Variants in VPS54 observed in about 807,000 individuals in gnomAD.
The protein encoded by VPS54 is vacuolar protein sorting-associated protein 54.
VPS54 carries 45 observed loss-of-function variants against 121.5 expected under a neutral mutation model. The observed-to-expected ratio is 0.37, with a 90% CI of 0.29 to 0.47. The LOEUF is 0.47. Among genes scored for constraint, VPS54 ranks in the 20% least tolerant of loss-of-function variants. The pLI is 0.99. For missense variants in VPS54, 1,090 were observed against 1,131.4 expected, an observed-to-expected ratio of 0.96 and a Z score of 0.52; for synonymous variants, 371 against 385.8, an observed-to-expected ratio of 0.96 and a Z score of 0.45.
intron 11 of VPS54, among the ~76,000 whole-genome samples, chr2:63,936,824 G>A (rs1365923364): frequency 6.6e-6 from 1 of 152,116 alleles, no homozygotes; most frequent in Non-Finnish European, 1.5e-5. Flanking sequence ...ATAGAATAGA[G>A]AGAGCCCACA....
At position 63,983,374 on chromosome 2, in the gene VPS54, T is replaced by C. The variant is rs182654314; in HGVS notation, c.136+490A>G. 8.3e-3 allele frequency among the ~76,000 whole-genome samples: 1,257 copies of C among 151,810 alleles called. 7 individuals carry two copies. The highest frequency in any genetic ancestry group is 0.01 in the Non-Finnish European group (685 of 67,962). On this transcript the variant is annotated intron_variant, in intron 2 of 22. Coordinates refer to ENST00000272322, the MANE Select transcript of VPS54 (RefSeq NM_016516.3). ...TGTTGAACTCCCTCCTGACCTCAAG[T>C]GATCTGCCTGCCTTGGCCTCCCAAA...
At chr2:63,939,978 G>T (rs1202506323) in intron 11 of VPS54, among the ~76,000 whole-genome samples, 1 of 152,018 alleles carries the variant, frequency 6.6e-6, no homozygotes, top group African/African-American at 2.4e-5. Context: ...GGATGGTCTC[G>T]ATCTCTTGAC....
intron 5 of VPS54, among the ~76,000 whole-genome samples, chr2:63,968,034 C>G (rs979987549): frequency 2.0e-5 from 3 of 152,086 alleles, no homozygotes; most frequent in Non-Finnish European, 2.9e-5. Flanking sequence ...AACATTGAGC[C>G]TTAAATGACA....
In VPS54 at chr2:63,991,466, C is replaced by T. The variant is rs186195396; in HGVS notation, c.-20-7447G>A. On this transcript the variant is annotated intron_variant, in intron 1 of 22. Coordinates refer to ENST00000272322, the MANE Select transcript of VPS54 (RefSeq NM_016516.3). ...CACCCACAAAGCTATTCTGTGGGCA[C>T]GGGCCATGAAGGACCAATCAAACTG... 2.5e-3 allele frequency among the ~76,000 whole-genome samples: 386 copies of T among 152,250 alleles called. 2 individuals carry two copies. Among genetic ancestry groups the T allele is most frequent in the African/African-American group, 9.1e-3 (378 of 41,554 alleles).
intron 7 of VPS54, among the ~76,000 whole-genome samples, chr2:63,958,632 T>C (rs1675609066): frequency 6.6e-6 from 1 of 152,108 alleles, no homozygotes; most frequent in South Asian, 2.1e-4. Context: ...GGAGGATCAC[T>C]TGAGCCTAGG....
At chr2:63,920,417 A>C in intron 14 of VPS54, 29 bp downstream of exon 14, 2 of 1,432,238 alleles carry the variant, frequency 1.4e-6, no homozygotes, top group Non-Finnish European at 1.8e-6. Context: ...TGAAAAAATC[A>C]AACAACAGAA....
intron 15 of VPS54, 100 bp from the exon 16 acceptor site, chr2:63,917,063 C>T: frequency 8.6e-7 from 1 of 1,162,740 alleles, no homozygotes; most frequent in Non-Finnish European, 1.2e-6. Context: ...CAAAAACTCT[C>T]ATTTCTGAAA....
intron 12 of VPS54, among the ~76,000 whole-genome samples, chr2:63,927,081 C>T (rs11125988): frequency 0.93 from 140,953 of 152,252 alleles, 65,882 homozygotes; most frequent in African/African-American, 0.98. Flanking sequence ...GGGGAGGGCA[C>T]AGCTGAACAA....
chr2:64,000,936 AG>A (rs1677842964), intron 1 of VPS54, among the ~76,000 whole-genome samples: 1 of 152,232 alleles, frequency 6.6e-6, no homozygotes, highest in Admixed American at 6.5e-5. Flanking sequence ...TGGCAAAGCC[AG>A]CCCAGCTTCT....
At chr2:64,008,074 T>C (rs1405012219) in intron 1 of VPS54, among the ~76,000 whole-genome samples, 1 of 150,790 alleles carries the variant, frequency 6.6e-6, no homozygotes, top group Non-Finnish European at 1.5e-5. Flanking sequence ...GACCTGACCA[T>C]ATTTGTAGGC....
At position 63,949,052 on chromosome 2, in the gene VPS54, A is replaced by T; in HGVS notation, c.1122T>A (p.Cys374Ter). Reference sequence around the variant, plus strand: ...AAACACATACCTCTTCTAAAACTTGACAGTCATCTTCCAGTGGTCTATTTA... The same window carrying T: ...AAACACATACCTCTTCTAAAACTTGTCAGTCATCTTCCAGTGGTCTATTTA... ...SDLNRPLEDD[C>*]QVLEEERLIS... Residue 374 changes from cysteine (C) to a stop codon, truncating the protein, a stop_gained, in exon 8 of 23, where the codon TGT becomes TGA. Coordinates refer to ENST00000272322, the MANE Select transcript of VPS54 (RefSeq NM_016516.3). LOFTEE classifies it high-confidence loss of function. The T allele has an allele frequency of 6.2e-7, 1 of 1,611,264 alleles. No individual in the cohort carries two copies. The highest frequency in any genetic ancestry group is 8.5e-7 in the Non-Finnish European group (1 of 1,179,050).
intron 1 of VPS54, among the ~76,000 whole-genome samples, chr2:64,012,054 A>T (rs1481446611): frequency 6.6e-6 from 1 of 152,194 alleles, no homozygotes; most frequent in Non-Finnish European, 1.5e-5. Flanking sequence ...ACAAACAATA[A>T]ATTAGTATTT....
chr2:63,897,759 TCTC>T (rs1449332781), intron 21 of VPS54, among the ~76,000 whole-genome samples, 169 bp from the exon 22 acceptor site: 1 of 152,124 alleles, frequency 6.6e-6, no homozygotes, highest in Non-Finnish European at 1.5e-5. Flanking sequence ...CTACATTTTT[TCTC>T]CTTAGTTGGA....
intron 9 of VPS54, among the ~76,000 whole-genome samples, chr2:63,946,543 A>G (rs147401598): frequency 1.5e-3 from 225 of 152,158 alleles, no homozygotes; most frequent in African/African-American, 4.9e-3. Context: ...TTTTTTGCTT[A>G]TTTAACTTTT....
chr2:63,926,075 A>C (rs1275547381), intron 12 of VPS54, among the ~76,000 whole-genome samples: 3 of 152,204 alleles, frequency 2.0e-5, no homozygotes, highest in African/African-American at 7.2e-5. Flanking sequence ...GCTGTTGTTA[A>C]AATGTTTAAC....
rs1675031772 is a variant in VPS54 at position 63,947,426 on chromosome 2, T to C, written c.1202A>G (p.Tyr401Cys). ...TGCTGTAATAACCATTTTTTCACCA[T>C]AGATTTCTAAAAAATTAAGCTTTCT... ...KQRKLNFLEI[Y>C]GEKMVITAKN... The change falls in exon 9 of 23, where the codon TAT (tyrosine) becomes TGT (cysteine). Residue 401 changes from tyrosine to cysteine, a missense_variant. Transcript: ENST00000272322. 2 of 1,555,380 alleles carry C rather than the reference T, an allele frequency of 1.3e-6. No individual in the cohort carries two copies. The highest frequency in any genetic ancestry group is 1.8e-6 in the Non-Finnish European group (2 of 1,137,698).
chr2:64,004,587 T>TAATCC (rs775451071), intron 1 of VPS54, among the ~76,000 whole-genome samples: 44 of 152,210 alleles, frequency 2.9e-4, no homozygotes, highest in Non-Finnish European at 4.6e-4. Flanking sequence ...CAAAAATGTT[T>TAATCC]AATCCAATCC....
intron 20 of VPS54, among the ~76,000 whole-genome samples, chr2:63,910,590 T>TA (rs1288049667): frequency 6.6e-6 from 1 of 152,216 alleles, no homozygotes; most frequent in South Asian, 2.1e-4. Context: ...TCTTAGTTTT[T>TA]AAAAATGCAT....
At chr2:64,016,198 T>C (rs1255741584) in intron 1 of VPS54, among the ~76,000 whole-genome samples, 1 of 152,228 alleles carries the variant, frequency 6.6e-6, no homozygotes, top group Admixed American at 6.5e-5. Context: ...TACTTATTGA[T>C]TCCGAGCTGA....
Sources: allele counts gnomAD v4.1 joint callset (sites outside exome capture counted in the v4.1 genomes callset), GRCh38; gene constraint gnomAD v4.1.1; transcripts MANE v1.5; gene names NCBI Gene and HGNC (gene_info 2026-07-23, HGNC 2026-07-21).